Variants in WDR31 observed in about 807,000 individuals in gnomAD.
WDR31 encodes the protein WD repeat domain 31.
WDR31 carries 30 observed loss-of-function variants against 47.3 expected under a neutral mutation model. That is an observed-to-expected ratio of 0.63 (90% CI 0.47 to 0.86). The LOEUF (loss-of-function observed/expected upper bound fraction) is 0.86, where lower values mean the gene tolerates loss of function less well. WDR31 is among the 40% of genes least tolerant of loss of function. The pLI is 0.00. For missense variants in WDR31, 406 were observed against 442.9 expected, an observed-to-expected ratio of 0.92 and a Z score of 0.75; for synonymous variants, 137 against 159.4, an observed-to-expected ratio of 0.86 and a Z score of 1.06.
intron 1 of WDR31, among the ~76,000 whole-genome samples, 192 bp from the exon 2 acceptor site, chr9:113,336,632 A>G (rs1400524482): frequency 6.6e-6 from 1 of 152,244 alleles, no homozygotes; most frequent in Non-Finnish European, 1.5e-5. Flanking sequence ...ATATTTAAAT[A>G]CATTGTTAAA....
intron 5 of WDR31, among the ~76,000 whole-genome samples, chr9:113,324,571 G>C (rs1833412022): frequency 6.6e-6 from 1 of 151,534 alleles, no homozygotes; most frequent in East Asian, 1.9e-4. Context: ...TGTATTTTCT[G>C]TAGAGACAGG....
At chr9:113,322,494 A>T (rs1218084197) in intron 7 of WDR31, among the ~76,000 whole-genome samples, 2 of 152,236 alleles carry the variant, frequency 1.3e-5, no homozygotes, top group African/African-American at 4.8e-5. Flanking sequence ...GAAGACAGGA[A>T]CTATGTTCTT....
intron 3 of WDR31, 45 bp downstream of exon 3, chr9:113,331,862 A>G: frequency 6.4e-7 from 1 of 1,574,466 alleles, no homozygotes; most frequent in Non-Finnish European, 8.7e-7. Flanking sequence ...GAGAGTTTTA[A>G]TGGGGCATGA....
At position 113,316,792 on chromosome 9, in the gene WDR31, T is replaced by C. The variant is rs752327259; in HGVS notation, c.1061A>G (p.Asp354Gly). Residue 354 changes from aspartate (D) to glycine (G), a missense_variant, in exon 11 of 11, where the codon GAC becomes GGC. By Grantham distance (94) the Asp-to-Gly change is moderately conservative. Transcript: ENST00000374193. ...FNRGIHLLRM[D>G]HSQGLELQEV... ...CTGCAGTTCCAGCCCTTGGCTGTGG[T>C]CCATTCTGAGTAAGTGAATTCCTCT... The C allele has an allele frequency of 6.2e-7, 1 of 1,614,148 alleles. No homozygotes were observed. Among genetic ancestry groups the C allele is most frequent in the South Asian group, 1.1e-5 (1 of 91,076 alleles).
chr9:113,325,669 T>C (rs1833445002), intron 5 of WDR31, among the ~76,000 whole-genome samples: 1 of 151,802 alleles, frequency 6.6e-6, no homozygotes, highest in African/African-American at 2.4e-5. Context: ...TTCCCACTTT[T>C]GTAAGTACTC....
chr9:113,324,984 C>T (rs1237490815), intron 5 of WDR31, among the ~76,000 whole-genome samples: 2 of 152,140 alleles, frequency 1.3e-5, no homozygotes, highest in South Asian at 2.1e-4. Flanking sequence ...CTCACTCTGT[C>T]GCCCAGGCTG....
chr9:113,326,007 G>A (rs1208086768), intron 5 of WDR31, among the ~76,000 whole-genome samples: 1 of 152,158 alleles, frequency 6.6e-6, no homozygotes, highest in Non-Finnish European at 1.5e-5. Context: ...TGCCTCCTGG[G>A]TTCAAGTGAT....
In WDR31 at chr9:113,316,395, A is replaced by G. The variant is rs10981731; in HGVS notation, c.*354T>C. 0.12 allele frequency: 22,239 copies of G among 187,226 alleles called. 1,486 individuals carry two copies. The highest frequency in any genetic ancestry group is 0.18 in the African/African-American group (7,525 of 42,870). 11.6% of individuals were successfully genotyped at this position (187,226 alleles called of 1,614,324 possible). A position where few individuals can be genotyped will look rare whatever the true frequency, so the allele number is the denominator to read the frequency against. ...GCAAAGGGTCAGTTCCAGAGGCTCG[A>G]GCCCTGTGTTCTGACTTTCACAGAC... is the stretch of plus-strand genomic sequence containing the variant. On this transcript the variant is annotated 3_prime_UTR_variant, in exon 11 of 11. Coordinates refer to ENST00000374193, the MANE Select transcript of WDR31 (RefSeq NM_001012361.4).
chr9:113,320,636 G>T, intron 8 of WDR31, 138 bp from the exon 9 acceptor site: 2 of 1,106,598 alleles, frequency 1.8e-6, no homozygotes, highest in South Asian at 1.8e-5. Context: ...ACCTAAAAAC[G>T]GCAGCATGAA....
intron 7 of WDR31, 66 bp downstream of exon 7, chr9:113,322,745 C>T: frequency 6.5e-7 from 1 of 1,528,066 alleles, no homozygotes; most frequent in Non-Finnish European, 9.0e-7. Flanking sequence ...GATTTATCTC[C>T]CGAGCCTTTC....
chr9:113,331,367 GTCTT>G (rs1833593859), intron 3 of WDR31, among the ~76,000 whole-genome samples: 1 of 152,208 alleles, frequency 6.6e-6, no homozygotes, highest in African/African-American at 2.4e-5. Context: ...GAAGCCAGGA[GTCTT>G]TCTTTGCTCA....
At chr9:113,327,309 G>A (rs1381362264) in intron 5 of WDR31, among the ~76,000 whole-genome samples, 2 of 151,974 alleles carry the variant, frequency 1.3e-5, no homozygotes, top group African/African-American at 2.4e-5. Flanking sequence ...AGGCATATAG[G>A]CCTCACTTTG....
In WDR31 at chr9:113,328,912, C is replaced by G. The variant is rs1833533504; in HGVS notation, c.293G>C (p.Arg98Thr). 1 of 1,614,086 alleles carries G rather than the reference C, an allele frequency of 6.2e-7. No individual in the cohort carries two copies. The highest frequency in any genetic ancestry group is 8.5e-7 in the Non-Finnish European group (1 of 1,179,964). ...GATCTCATGTTCATGTCCTTTGAAC[C>G]TTTTCACCACATTTCCAGTTTTCCA... ...YNWKTGNVVKRFKGHEHEITK... is the reference protein window; with the variant it reads ...YNWKTGNVVKTFKGHEHEITK... Residue 98 changes from arginine to threonine, a missense_variant, in exon 5 of 11, where the codon AGG (arginine) becomes ACG (threonine). By Grantham distance (71) the Arg-to-Thr change is moderately conservative (BLOSUM62 -1). Transcript: ENST00000374193.
In WDR31 at chr9:113,322,841, A is replaced by G. The variant is rs1588041854; in HGVS notation, c.540T>C (p.Ser180=). The G allele has an allele frequency of 6.2e-7, 1 of 1,613,610 alleles. No homozygotes were observed. The highest frequency in any genetic ancestry group is 8.5e-7 in the Non-Finnish European group (1 of 1,179,910). The part of the protein sequence containing the change: ...LLLWDVVTGQ[S]VERASVSRNV... ...TCCTGGAGACAGATGCTCTTTCCACACTCTGTCCTGTCACCACATCCCACA... is the reference window on the plus strand; with the variant it reads ...TCCTGGAGACAGATGCTCTTTCCACGCTCTGTCCTGTCACCACATCCCACA... Residue 180 remains serine (S), a synonymous_variant, in exon 7 of 11, where the codon AGT becomes AGC. Coordinates refer to ENST00000374193, the MANE Select transcript of WDR31 (RefSeq NM_001012361.4).
intron 8 of WDR31, among the ~76,000 whole-genome samples, chr9:113,320,841 T>C (rs1449135945): frequency 1.3e-5 from 2 of 152,242 alleles, no homozygotes; most frequent in African/African-American, 4.8e-5. Context: ...GTGACTTAAA[T>C]TTTTAAAAAG....
chr9:113,317,096 A>G (rs542749962), intron 10 of WDR31, among the ~76,000 whole-genome samples, 187 bp from the exon 11 acceptor site: 9 of 152,310 alleles, frequency 5.9e-5, no homozygotes, highest in South Asian at 4.1e-4. Context: ...CATGACTTCA[A>G]TGGTAGAGAA....
chr9:113,326,924 C>T (rs1050020367), intron 5 of WDR31, among the ~76,000 whole-genome samples: 3 of 152,100 alleles, frequency 2.0e-5, no homozygotes, highest in Non-Finnish European at 2.9e-5. Flanking sequence ...TGGCTTCAAC[C>T]TCATGGACTC....
At chr9:113,334,124 C>A (rs543738775) in intron 2 of WDR31, among the ~76,000 whole-genome samples, 3 of 152,130 alleles carry the variant, frequency 2.0e-5, no homozygotes, top group South Asian at 2.1e-4. Context: ...CCACTTCAGC[C>A]TCCCAGGGAG....
chr9:113,328,628 T>C (rs1220629253), intron 5 of WDR31, among the ~76,000 whole-genome samples: 1 of 152,224 alleles, frequency 6.6e-6, no homozygotes, highest in Non-Finnish European at 1.5e-5. Context: ...CAAGAGTTGT[T>C]ATCAGCTGTG....
Sources: gnomAD v4.1 joint callset for allele counts (sites outside exome capture counted in the v4.1 genomes callset) on GRCh38, gnomAD v4.1.1 for gene constraint, MANE v1.5 for transcripts, NCBI Gene and HGNC (gene_info 2026-07-23, HGNC 2026-07-21) for gene names.